PTPRG: variants seen among roughly 807,000 people sequenced by gnomAD.
The protein encoded by PTPRG is protein tyrosine phosphatase receptor type G, also known as receptor-type tyrosine-protein phosphatase gamma.
In PTPRG, 102 loss-of-function variants were observed where a neutral mutation model predicts 165.3. The ratio of observed to expected loss-of-function variants is 0.62; its 90% confidence interval spans 0.53 to 0.73. The LOEUF (loss-of-function observed/expected upper bound fraction) is 0.73, where lower values mean the gene tolerates loss of function less well. Among genes scored for constraint, PTPRG ranks in the 30% least tolerant of loss-of-function variants. The pLI is 0.00. For missense variants in PTPRG, 1,866 were observed against 1,861.4 expected (o/e 1.00, Z -0.05); for synonymous variants, 675 against 669.5 (o/e 1.01, Z -0.13).
chr3:61,774,191 C>G (rs1011696598), intron 2 of PTPRG, among the ~76,000 whole-genome samples: 1 of 152,138 alleles, frequency 6.6e-6, no homozygotes, highest in Non-Finnish European at 1.5e-5. Context: ...TGTCAAAAAT[C>G]GAGTTAATTC....
rs778441211 is a variant in PTPRG at position 62,157,241 on chromosome 3, A to G, written c.840+17A>G. The G allele has an allele frequency of 2.5e-6, 4 of 1,608,864 alleles. No individual in the cohort carries two copies. The African/African-American group carries it at 5.3e-5, about 22-fold the overall frequency. ...TACCATCAGGTAGATATTCTTCCTC[A>G]AGTGGGGTTTCTGTGTTTACTTGTT... On this transcript the variant is annotated intron_variant, in intron 7 of 29. Transcript: ENST00000474889.
intron 2 of PTPRG, among the ~76,000 whole-genome samples, chr3:61,817,639 C>G (rs951039941): frequency 2.6e-5 from 4 of 152,096 alleles, no homozygotes; most frequent in Admixed American, 1.3e-4. Context: ...CCTACAGCTA[C>G]GAGACCTGCG....
chr3:61,732,664 A>C (rs1475038530), intron 1 of PTPRG, among the ~76,000 whole-genome samples: 1 of 151,762 alleles, frequency 6.6e-6, no homozygotes, highest in Non-Finnish European at 1.5e-5. Flanking sequence ...AGCCAAGATC[A>C]CTCCACTGCA....
At chr3:62,207,920 TCTCA>T (rs1277353072) in intron 12 of PTPRG, among the ~76,000 whole-genome samples, 5 of 152,190 alleles carry the variant, frequency 3.3e-5, no homozygotes, top group East Asian at 1.9e-4. Context: ...AAGAGGGCCA[TCTCA>T]CTCAGCTCCA....
At chr3:61,608,137 T>C (rs1241627498) in intron 1 of PTPRG, among the ~76,000 whole-genome samples, 2 of 151,806 alleles carry the variant, frequency 1.3e-5, no homozygotes, top group African/African-American at 4.8e-5. Context: ...AGAAGGCTTA[T>C]CGGGGATGCT....
chr3:61,589,157 T>C (rs952565308), intron 1 of PTPRG, among the ~76,000 whole-genome samples: 1 of 152,238 alleles, frequency 6.6e-6, no homozygotes, highest in African/African-American at 2.4e-5. Flanking sequence ...TTCAGGTCCA[T>C]AAGTAAAGTT....
chr3:62,166,301 C>T (rs1704979821), intron 7 of PTPRG, among the ~76,000 whole-genome samples: 1 of 132,562 alleles, frequency 7.5e-6, no homozygotes, highest in Non-Finnish European at 1.5e-5. Context: ...TTCCATTCCT[C>T]ATATGTAATA....
At chr3:62,138,714 C>CAAAAAAAAAAAAAAAAAA (rs563632840) in intron 6 of PTPRG, among the ~76,000 whole-genome samples, 2 of 91,388 alleles carry the variant, frequency 2.2e-5, no homozygotes, top group Admixed American at 1.4e-4. Context: ...GGCAAAGCTC[C>CAAAAAAAAAAAAAAAAAA]AAAAAAAAAA....
chr3:61,946,905 G>C (rs1457941587), intron 2 of PTPRG, among the ~76,000 whole-genome samples: 2 of 152,086 alleles, frequency 1.3e-5, no homozygotes, highest in Non-Finnish European at 2.9e-5. Context: ...GAAAACATTT[G>C]AACAAATTTA....
intron 2 of PTPRG, among the ~76,000 whole-genome samples, chr3:61,757,093 G>A (rs1400297580): frequency 1.3e-5 from 2 of 152,128 alleles, no homozygotes; most frequent in East Asian, 1.9e-4. Context: ...ACAATGAAAT[G>A]CTTACCTGAA....
At chr3:62,141,485 G>C (rs765586247) in intron 6 of PTPRG, among the ~76,000 whole-genome samples, 3 of 152,156 alleles carry the variant, frequency 2.0e-5, no homozygotes, top group Non-Finnish European at 4.4e-5. Flanking sequence ...TGTAGTCCCA[G>C]CTATTTTGGG....
intron 5 of PTPRG, among the ~76,000 whole-genome samples, chr3:62,128,783 T>C (rs2106916113): frequency 6.6e-6 from 1 of 150,774 alleles, no homozygotes; most frequent in South Asian, 2.2e-4. Context: ...CTCTTCACTG[T>C]TGTCATATTT....
chr3:61,778,181 G>A (rs2034440373), intron 2 of PTPRG, among the ~76,000 whole-genome samples: 2 of 152,278 alleles, frequency 1.3e-5, no homozygotes, highest in Non-Finnish European at 2.9e-5. Context: ...GGAAAAGAAC[G>A]AAGGAATGAA....
chr3:62,055,740 G>A (rs751321707), intron 4 of PTPRG, among the ~76,000 whole-genome samples: 1 of 152,072 alleles, frequency 6.6e-6, no homozygotes, highest in Non-Finnish European at 1.5e-5. Context: ...ACATTTCTTG[G>A]CTTTGTAGAT....
intron 4 of PTPRG, among the ~76,000 whole-genome samples, chr3:62,063,861 G>T (rs1327929055): frequency 6.6e-6 from 1 of 152,000 alleles, no homozygotes; most frequent in African/African-American, 2.4e-5. Flanking sequence ...GAGTAGTTGT[G>T]CGTTTCATTG....
At chr3:61,965,754 A>C (rs2040256490) in intron 2 of PTPRG, among the ~76,000 whole-genome samples, 1 of 152,346 alleles carries the variant, frequency 6.6e-6, no homozygotes, top group South Asian at 2.1e-4. Flanking sequence ...ATGTAATTCT[A>C]AGAGTTAGGT....
intron 2 of PTPRG, among the ~76,000 whole-genome samples, chr3:61,822,375 C>G (rs1191533517): frequency 1.3e-5 from 2 of 152,162 alleles, no homozygotes; most frequent in Non-Finnish European, 2.9e-5. Context: ...CCCTCGTGTC[C>G]CTGACTTCAG....
At chr3:61,978,621 G>A (rs1274995390) in intron 2 of PTPRG, among the ~76,000 whole-genome samples, 2 of 152,144 alleles carry the variant, frequency 1.3e-5, no homozygotes, top group Non-Finnish European at 2.9e-5. Flanking sequence ...GGTACATAAG[G>A]TATGCAGATG....
At chr3:62,140,851 CAAAAAAAAAA>C (rs58630476) in intron 6 of PTPRG, among the ~76,000 whole-genome samples, 4 of 71,192 alleles carry the variant, frequency 5.6e-5, no homozygotes, top group East Asian at 3.1e-4. Flanking sequence ...GACTCGGTCT[CAAAAAAAAAA>C]AAAAAAAAAA....
Sources: allele counts gnomAD v4.1 joint callset (sites outside exome capture counted in the v4.1 genomes callset), GRCh38; gene constraint gnomAD v4.1.1; transcripts MANE v1.5; gene names NCBI Gene and HGNC (gene_info 2026-07-23, HGNC 2026-07-21).